RAB3C: variants seen among roughly 807,000 people sequenced by gnomAD.
RAB3C encodes ras-related protein Rab-3C.
In RAB3C, 17 loss-of-function variants were observed where a neutral mutation model predicts 26.4. That is an observed-to-expected ratio of 0.64 (90% CI 0.44 to 0.97). The LOEUF is 0.97. Ranked by LOEUF, RAB3C falls within the 50% of genes least tolerant of loss-of-function variation. The pLI is 0.00. For missense variants in RAB3C, 242 were observed against 281.9 expected, an observed-to-expected ratio of 0.86 and a Z score of 1.01; for synonymous variants, 91 against 95.9, an observed-to-expected ratio of 0.95 and a Z score of 0.30.
intron 1 of RAB3C, among the ~76,000 whole-genome samples, chr5:58,596,664 AT>A (rs1354218010): frequency 7.3e-4 from 18 of 24,512 alleles, no homozygotes; most frequent in Non-Finnish European, 9.8e-4. Flanking sequence ...TACATAATAT[AT>A]TATATATAAA....
intron 2 of RAB3C, among the ~76,000 whole-genome samples, chr5:58,721,737 T>G (rs1035438794): frequency 2.0e-5 from 3 of 151,826 alleles, no homozygotes; most frequent in African/African-American, 7.2e-5. Flanking sequence ...TAGCTTAATT[T>G]TATTCTTTAT....
intron 2 of RAB3C, among the ~76,000 whole-genome samples, chr5:58,693,291 T>G (rs1748608842): frequency 1.4e-5 from 2 of 141,286 alleles, no homozygotes; most frequent in Non-Finnish European, 3.0e-5. Flanking sequence ...TATAATTATA[T>G]AAATTTAATT....
rs144207820 is a variant in RAB3C, at chr5:58,751,358, A to T, written c.371+25238A>T. On this transcript the variant is annotated intron_variant, in intron 3 of 4. Transcript: ENST00000282878. ...TGATGACACATAGTAGGCACTTAGT[A>T]AACATTTGTCAAGTGATCGAAGTTG... Among the ~76,000 whole-genome samples, 690 of 152,316 alleles carry T rather than the reference A, an allele frequency of 4.5e-3. 9 individuals are homozygous for T. Among genetic ancestry groups the T allele is most frequent in the Non-Finnish European group, 3.7e-3 (250 of 68,016 alleles).
intron 3 of RAB3C, among the ~76,000 whole-genome samples, chr5:58,740,650 T>C (rs1741256840): frequency 6.6e-6 from 1 of 151,928 alleles, no homozygotes; most frequent in South Asian, 2.1e-4. Context: ...TGAAACCCCG[T>C]CTCTACTAAA....
At position 58,617,771 on chromosome 5, in the gene RAB3C, A is replaced by C. The variant is rs772786102; in HGVS notation, c.153A>C (p.Ala51=). 3 of 1,613,728 alleles carry C rather than the reference A, an allele frequency of 1.9e-6. No individual in the cohort carries two copies. Among genetic ancestry groups the C allele is most frequent in the Non-Finnish European group, 2.5e-6 (3 of 1,179,820 alleles). Residue 51 remains alanine (A), a synonymous_variant, in exon 2 of 5, where the codon GCA becomes GCC. Transcript: ENST00000282878. The part of the protein sequence containing the change: ...VGKTSFLFRY[A]DDSFTSAFVS... ...AAACATCTTTTCTATTCCGTTATGC[A>C]GATGACTCCTTTACATCTGCATTCG...
intron 1 of RAB3C, among the ~76,000 whole-genome samples, chr5:58,592,742 C>T (rs1317122439): frequency 6.6e-6 from 1 of 152,092 alleles, no homozygotes; most frequent in African/African-American, 2.4e-5. Context: ...TCGTTGTCTG[C>T]TGATCTCCTT....
intron 3 of RAB3C, among the ~76,000 whole-genome samples, chr5:58,749,999 G>A (rs1423561171): frequency 1.3e-5 from 2 of 152,074 alleles, no homozygotes; most frequent in Non-Finnish European, 2.9e-5. Context: ...TAATTTATGT[G>A]TTAGCCATTT....
At chr5:58,805,479 G>A (rs1220543722) in intron 3 of RAB3C, among the ~76,000 whole-genome samples, 1 of 151,790 alleles carries the variant, frequency 6.6e-6, no homozygotes, top group East Asian at 1.9e-4. Context: ...CATCTACACA[G>A]GGGGCTGAAG....
At chr5:58,603,083 G>T (rs182636608) in intron 1 of RAB3C, among the ~76,000 whole-genome samples, 4 of 151,996 alleles carry the variant, frequency 2.6e-5, no homozygotes, top group Admixed American at 6.6e-5. Context: ...GCTTAGTTTC[G>T]CTGCATACAG....
rs1335432836 is a variant in RAB3C, at chr5:58,822,804, A to G, written c.372-2234A>G. 6.7e-6 allele frequency: 4 copies of G among 598,834 alleles called. No homozygotes were observed. The East Asian group carries it at 1.6e-4, about 23-fold the overall frequency. 37.1% of individuals were successfully genotyped at this position (598,834 alleles called of 1,614,324 possible). ...GGCCTGACAAATTATGCTGCAGCAC[A>G]TTATACTGGCCTGCCACTGGCCCAC... is the stretch of plus-strand genomic sequence containing the variant. On this transcript the variant is annotated intron_variant, in intron 3 of 4. Transcript: ENST00000282878.
chr5:58,677,863 T>A lies in RAB3C; in HGVS notation c.253-48139T>A, dbSNP rs1748259485. On this transcript the variant is annotated intron_variant, in intron 2 of 4. Transcript: ENST00000282878. Reference sequence around the variant, plus strand: ...TGTTTATTGAAGGAAATGAATACAGTTCCTGTGACATATCTTTTGTACCAG... The same window carrying A: ...TGTTTATTGAAGGAAATGAATACAGATCCTGTGACATATCTTTTGTACCAG... Among the ~76,000 whole-genome samples, 4 of 152,182 alleles carry A rather than the reference T, an allele frequency of 2.6e-5. No individual in the cohort carries two copies. In the South Asian group the frequency reaches 8.3e-4, roughly 32 times the overall value.
chr5:58,704,932 A>G (rs1203666197), intron 2 of RAB3C, among the ~76,000 whole-genome samples: 1 of 152,162 alleles, frequency 6.6e-6, no homozygotes, highest in Non-Finnish European at 1.5e-5. Flanking sequence ...TTCAGCATTA[A>G]CTATTAATAA....
chr5:58,597,712 A>G (rs1023162044), intron 1 of RAB3C, among the ~76,000 whole-genome samples: 4 of 130,058 alleles, frequency 3.1e-5, no homozygotes, highest in African/African-American at 1.1e-4. Flanking sequence ...ATAATATAAT[A>G]TAGTACATTA....
At chr5:58,801,295 C>T (rs1013784302) in intron 3 of RAB3C, among the ~76,000 whole-genome samples, 5 of 152,122 alleles carry the variant, frequency 3.3e-5, no homozygotes, top group Admixed American at 2.0e-4. Context: ...TTGCATGAAA[C>T]GATGAACGAT....
intron 4 of RAB3C, among the ~76,000 whole-genome samples, chr5:58,836,269 T>TG (rs1743745902): frequency 9.1e-6 from 1 of 110,292 alleles, no homozygotes; most frequent in Non-Finnish European, 2.0e-5. Context: ...AAATTAATTT[T>TG]TTTTACAAAT....
intron 2 of RAB3C, among the ~76,000 whole-genome samples, chr5:58,658,258 A>C (rs1237828092): frequency 6.6e-6 from 1 of 152,202 alleles, no homozygotes; most frequent in Non-Finnish European, 1.5e-5. Context: ...CACAATGTTC[A>C]TCTGCTAAAG....
At chr5:58,849,188 A>G (rs1469434057) in intron 4 of RAB3C, among the ~76,000 whole-genome samples, 1 of 152,222 alleles carries the variant, frequency 6.6e-6, no homozygotes, top group East Asian at 1.9e-4. Flanking sequence ...AAATCATACT[A>G]ATAAGTACAA....
rs143696111 is a variant in RAB3C at position 58,792,377 on chromosome 5, G to A, written c.372-32661G>A. Among the ~76,000 whole-genome samples, 150 of 152,306 alleles carry A rather than the reference G, an allele frequency of 9.8e-4. 2 individuals carry two copies. The highest frequency in any genetic ancestry group is 1.2e-3 in the Admixed American group (19 of 15,298). On this transcript the variant is annotated intron_variant, in intron 3 of 4. Coordinates refer to ENST00000282878, the MANE Select transcript of RAB3C (RefSeq NM_138453.4). ...AACCTTTTCCTCATGCAGTAATGGG[G>A]ATTACTCATAGGCTAGCAGAAATGG...
In RAB3C at chr5:58,702,457, T is replaced by C. The variant is rs566028990; in HGVS notation, c.253-23545T>C. Among the ~76,000 whole-genome samples the C allele has an allele frequency of 2.0e-4, 31 of 152,282 alleles. No homozygotes were observed. The South Asian group carries it at 5.2e-3, about 25-fold the overall frequency. ...TGACAGGCTCAACACAAAACATTAC[T>C]TTCTTTAGAAAGACTCCATTGATTT... is the stretch of plus-strand genomic sequence containing the variant. On this transcript the variant is annotated intron_variant, in intron 2 of 4. Transcript: ENST00000282878.
Sources: gnomAD v4.1 joint callset for allele counts (sites outside exome capture counted in the v4.1 genomes callset) on GRCh38, gnomAD v4.1.1 for gene constraint, MANE v1.5 for transcripts, NCBI Gene and HGNC (gene_info 2026-07-23, HGNC 2026-07-21) for gene names.